Variants in ARMC2 observed in about 807,000 individuals in gnomAD.
ARMC2 encodes the protein armadillo repeat containing 2, also known as armadillo repeat-containing protein 2.
In ARMC2, 67 loss-of-function variants were observed where a neutral mutation model predicts 90.3. The observed-to-expected ratio is 0.74, with a 90% CI of 0.61 to 0.91. The LOEUF (loss-of-function observed/expected upper bound fraction) is 0.91. ARMC2 is among the 40% of genes least tolerant of loss of function. The probability of loss-of-function intolerance (pLI) is 0.00; values close to 1 mark genes in which losing one functional copy is unlikely to be tolerated. For missense variants in ARMC2, 920 were observed against 1,030.9 expected (o/e 0.89, Z 1.47); for synonymous variants, 393 against 393.0 (o/e 1.00, Z 0.00).
intron 4 of ARMC2, among the ~76,000 whole-genome samples, chr6:108,870,509 A>G (rs1233435959): frequency 6.6e-6 from 1 of 151,214 alleles, no homozygotes; most frequent in Non-Finnish European, 1.5e-5. Flanking sequence ...GAGAGAGAGA[A>G]AGAGAGAGAC....
intron 11 of ARMC2, among the ~76,000 whole-genome samples, chr6:108,935,909 C>A (rs898553581): frequency 6.6e-6 from 1 of 152,032 alleles, no homozygotes; most frequent in Admixed American, 6.5e-5. Context: ...TGCACTTTGA[C>A]CAGAGAATGT....
At chr6:108,992,333 C>T in the ARMC2 span, among the ~76,000 whole-genome samples, 5 of 152,164 alleles carry the variant, frequency 3.3e-5, no homozygotes, top group South Asian at 4.2e-4. Flanking sequence ...CCAGGCTGGT[C>T]GTGGAATGCC....
chr6:109,002,300 C>T, the ARMC2 span: 7 of 1,613,252 alleles, frequency 4.3e-6, no homozygotes, highest in Non-Finnish European at 5.1e-6. Context: ...GATGAATCTG[C>T]TTGGTCCCTG....
At chr6:109,020,701 T>C in the ARMC2 span, among the ~76,000 whole-genome samples, 14 of 152,314 alleles carry the variant, frequency 9.2e-5, no homozygotes, top group African/African-American at 2.9e-4. Context: ...ATCACTGTTA[T>C]ATTTAGCACA....
intron 1 of ARMC2, among the ~76,000 whole-genome samples, chr6:108,850,521 G>A (rs1040389868): frequency 6.6e-6 from 1 of 151,978 alleles, no homozygotes; most frequent in Non-Finnish European, 1.5e-5. Flanking sequence ...TCACTCATTC[G>A]TCACAACATT....
At chr6:109,000,891 T>C in the ARMC2 span, among the ~76,000 whole-genome samples, 4 of 152,280 alleles carry the variant, frequency 2.6e-5, no homozygotes, top group Admixed American at 2.6e-4. Context: ...CTGATAAAAG[T>C]ATTTGAACTT....
chr6:108,902,560 G>A (rs898933789), intron 7 of ARMC2, among the ~76,000 whole-genome samples: 12 of 152,172 alleles, frequency 7.9e-5, no homozygotes, highest in Admixed American at 2.6e-4. Flanking sequence ...GTTAGGCTAA[G>A]TCATTTCCCA....
rs150814535 is a variant in ARMC2, at chr6:108,961,620, C to T, written c.1964C>T (p.Ala655Val). 107 of 1,611,838 alleles carry T rather than the reference C, an allele frequency of 6.6e-5. 3 individuals are homozygous for T. The Middle Eastern group carries it at 1.0e-3, about 15-fold the overall frequency. ...DCEELVINAT[A>V]TINNLSYYQV... is the part of the protein sequence containing the mutation. ...GAGGAGCTGGTGATCAATGCTACAG[C>T]GACAATCAACAATTTATCTTACTAC... Residue 655 changes from alanine (A) to valine (V), a missense_variant, in exon 14 of 18, where the codon GCG (alanine) becomes GTG (valine). Coordinates refer to ENST00000392644, the MANE Select transcript of ARMC2 (RefSeq NM_032131.6).
intron 4 of ARMC2, among the ~76,000 whole-genome samples, chr6:108,871,300 A>G (rs1379342307): frequency 6.6e-6 from 1 of 152,102 alleles, no homozygotes; most frequent in Non-Finnish European, 1.5e-5. Flanking sequence ...AAAGGGAGAG[A>G]CAATGTGATG....
chr6:109,051,160 C>T, the ARMC2 span, among the ~76,000 whole-genome samples: 1 of 148,478 alleles, frequency 6.7e-6, no homozygotes, highest in Admixed American at 6.7e-5. Context: ...CAAAAAAAAA[C>T]AACAAAAAAA....
intron 5 of ARMC2, among the ~76,000 whole-genome samples, chr6:108,876,698 A>G (rs941893698): frequency 6.6e-6 from 1 of 152,152 alleles, no homozygotes; most frequent in African/African-American, 2.4e-5. Context: ...GGAATCTCCT[A>G]TTATCTCCCT....
the ARMC2 span, among the ~76,000 whole-genome samples, chr6:109,022,565 C>T: frequency 2.0e-5 from 3 of 151,368 alleles, no homozygotes; most frequent in South Asian, 2.1e-4. Context: ...CCCACCACCA[C>T]GCCCGGCTAA....
chr6:109,026,911 C>T, the ARMC2 span, among the ~76,000 whole-genome samples: 1 of 152,150 alleles, frequency 6.6e-6, no homozygotes, highest in Non-Finnish European at 1.5e-5. Context: ...TGGTGGCTCA[C>T]ACCTGTAATC....
the ARMC2 span, chr6:108,987,678 C>T: frequency 9.6e-7 from 1 of 1,043,246 alleles, no homozygotes; most frequent in Non-Finnish European, 1.5e-6. Flanking sequence ...CAAGCATTCA[C>T]AATCAGTTTT....
intron 3 of ARMC2, among the ~76,000 whole-genome samples, chr6:108,860,823 A>G (rs1775159875): frequency 1.3e-5 from 2 of 152,084 alleles, no homozygotes; most frequent in South Asian, 4.1e-4. Context: ...GGCTAGTTAT[A>G]TTCTCTGTAA....
chr6:108,897,646 G>C (rs1397908666), intron 6 of ARMC2, among the ~76,000 whole-genome samples: 1 of 152,014 alleles, frequency 6.6e-6, no homozygotes, highest in Non-Finnish European at 1.5e-5. Context: ...ATAATGGGAA[G>C]GCCTGTGTGT....
At chr6:108,862,365 A>C (rs1164729214) in intron 3 of ARMC2, among the ~76,000 whole-genome samples, 2 of 150,526 alleles carry the variant, frequency 1.3e-5, no homozygotes, top group Admixed American at 6.6e-5. Context: ...AAAACAAAAA[A>C]AACAAACAAA....
chr6:109,048,370 G>GTATTGCACCGTGGGTTTAGT, the ARMC2 span, among the ~76,000 whole-genome samples: 2 of 152,218 alleles, frequency 1.3e-5, no homozygotes, highest in African/African-American at 4.8e-5. Context: ...CTGCACCACA[G>GTATTGCACCGTGGGTTTAGT]TATTGCACCG....
chr6:108,888,951 G>A (rs1280626846), intron 5 of ARMC2, among the ~76,000 whole-genome samples: 1 of 152,072 alleles, frequency 6.6e-6, no homozygotes, highest in Non-Finnish European at 1.5e-5. Flanking sequence ...CTTATTGCCT[G>A]TCAAATCAGA....
Sources: gnomAD v4.1 joint callset for allele counts (sites outside exome capture counted in the v4.1 genomes callset) on GRCh38, gnomAD v4.1.1 for gene constraint, MANE v1.5 for transcripts, NCBI Gene and HGNC (gene_info 2026-07-23, HGNC 2026-07-21) for gene names.